Variants in TMEM120A observed in about 807,000 individuals in gnomAD.
TMEM120A encodes the protein ion channel TACAN.
Under a neutral mutation model 54.3 loss-of-function variants are expected in TMEM120A, and 45 were observed. The ratio of observed to expected loss-of-function variants is 0.83; its 90% CI spans 0.65 to 1.06. The LOEUF (loss-of-function observed/expected upper bound fraction) is 1.06. TMEM120A is among the 50% of genes least tolerant of loss of function. The pLI is 0.00. For missense variants in TMEM120A, 424 were observed against 441.7 expected (o/e 0.96, Z 0.36); for synonymous variants, 204 against 178.5 (o/e 1.14, Z -1.14).
rs782525387 is a variant in TMEM120A at position 75,987,508 on chromosome 7, GA to G, written c.849+29del. 21 of 1,577,736 alleles carry G rather than the reference GA, an allele frequency of 1.3e-5. No homozygotes were observed. The African/African-American group carries it at 1.9e-4, about 14-fold the overall frequency. ...AACCGGCGCAGAGGACGGACAGACAGACAGGCAGGGACACAGAGGCACGACT... is the reference window on the plus strand; with the variant it reads ...AACCGGCGCAGAGGACGGACAGACAGCAGGCAGGGACACAGAGGCACGACT... On this transcript the variant is annotated intron_variant, in intron 10 of 11. Transcript: ENST00000493111.
At position 75,992,489 on chromosome 7, in the gene TMEM120A, G is replaced by A. The variant is rs1554562080; in HGVS notation, c.150C>T (p.Ser50=). ...GGAGCCGCTTCTTCTGCCGCGTGAT[G>A]GAGCTGGTGCAATTGTTCTGAAGTT... ...LTKLQNNCTS[S]ITRQKKRLQE... Residue 50 remains serine, a synonymous_variant, in exon 2 of 12, where the codon TCC becomes TCT. Transcript: ENST00000493111. 2 of 1,598,232 alleles carry A rather than the reference G, an allele frequency of 1.3e-6. No individual in the cohort carries two copies. The highest frequency in any genetic ancestry group is 1.7e-5 in the Admixed American group (1 of 57,482).
At position 75,994,583 on chromosome 7, in the gene TMEM120A, A is replaced by T. The variant is rs1554562860; in HGVS notation, c.-13T>A. 1.3e-6 allele frequency: 2 copies of T among 1,525,678 alleles called. No individual in the cohort carries two copies. The highest frequency in any genetic ancestry group is 1.8e-6 in the Non-Finnish European group (2 of 1,134,926). 94.5% of individuals were successfully genotyped at this position (1,525,678 alleles called of 1,614,324 possible). Reference sequence around the variant, plus strand: ...GCGGGGGCTGCATGGCTGCAGCGCCAGTAGCCAGTAGTGGAGGACGGCGCA... The same window carrying T: ...GCGGGGGCTGCATGGCTGCAGCGCCTGTAGCCAGTAGTGGAGGACGGCGCA... On this transcript the variant is annotated 5_prime_UTR_variant, in exon 1 of 12. Coordinates refer to ENST00000493111, the MANE Select transcript of TMEM120A (RefSeq NM_031925.3).
chr7:75,992,705 G>A (rs1789897626), intron 1 of TMEM120A, 148 bp from the exon 2 acceptor site: 3 of 628,170 alleles, frequency 4.8e-6, no homozygotes, highest in Non-Finnish European at 8.3e-6. Context: ...GCCCAGGGAT[G>A]AGGTGGCTGT....
chr7:75,989,355 G>C, intron 3 of TMEM120A, 131 bp from the exon 4 acceptor site: 1 of 687,180 alleles, frequency 1.5e-6, no homozygotes, highest in Non-Finnish European at 2.6e-6. Flanking sequence ...GCAGGGCCTT[G>C]GCATCGGGTT....
intron 1 of TMEM120A, among the ~76,000 whole-genome samples, chr7:75,994,283 G>A (rs1179237181): frequency 3.3e-5 from 5 of 152,182 alleles, no homozygotes; most frequent in African/African-American, 7.2e-5. Flanking sequence ...GTCGCCCAGC[G>A]CGATGGGGTC....
rs782377603 is a variant in TMEM120A at position 75,987,360 on chromosome 7, C to G, written c.918G>C (p.Gln306His). The G allele has an allele frequency of 2.4e-5, 38 of 1,564,404 alleles. No individual in the cohort carries two copies. Among genetic ancestry groups the G allele is most frequent in the Non-Finnish European group, 1.7e-6 (2 of 1,155,512 alleles). ...LAQDPQCKEW[Q>H]VLMCGFPFLL... ...ATCCTGTCCAGGGACCCCGGCTCAC[C>G]TGCCACTCCTTGCACTGAGGGTCCT... The change falls in exon 11 of 12, where the codon CAG (glutamine) becomes CAC (histidine). Residue 306 changes from glutamine to histidine, a missense_variant and splice_region_variant. Physicochemically the swap from Gln to His is conservative, Grantham distance 24. Transcript: ENST00000493111.
At position 75,992,197 on chromosome 7, in the gene TMEM120A, T is replaced by G; in HGVS notation, c.264A>C (p.Lys88Asn). ...GAAQELENQM[K>N]ERQGLFFDME... ...TGTCAAAGAAGAGGCCTTGGCGCTC[T>G]TTCATCTGGTTCTCCAGCTCCTGTG... is the stretch of plus-strand genomic sequence containing the variant. Residue 88 changes from lysine (K) to asparagine (N), a missense_variant, in exon 3 of 12, where the codon AAA (lysine) becomes AAC (asparagine). By Grantham distance (94) the Lys-to-Asn change is moderately conservative. Coordinates refer to ENST00000493111, the MANE Select transcript of TMEM120A (RefSeq NM_031925.3). The G allele has an allele frequency of 6.2e-7, 1 of 1,612,494 alleles. No individual in the cohort carries two copies. Among genetic ancestry groups the G allele is most frequent in the Non-Finnish European group, 8.5e-7 (1 of 1,179,370 alleles).
intron 3 of TMEM120A, among the ~76,000 whole-genome samples, chr7:75,991,311 G>A (rs764072239): frequency 3.3e-5 from 5 of 151,978 alleles, no homozygotes; most frequent in African/African-American, 7.3e-5. Flanking sequence ...CTCACCTCCC[G>A]CCCCGACCTC....
At chr7:75,994,363 C>T in intron 1 of TMEM120A, 127 bp downstream of exon 1, 1 of 783,844 alleles carries the variant, frequency 1.3e-6, no homozygotes. Context: ...CCCCCCTTGG[C>T]AGTGACGCCA....
intron 3 of TMEM120A, 51 bp downstream of exon 3, chr7:75,992,093 G>T: frequency 7.4e-7 from 1 of 1,347,850 alleles, no homozygotes; most frequent in Non-Finnish European, 1.0e-6. Context: ...GCAGCACCCG[G>T]CTTCAGGAGT....
chr7:75,992,368 C>T (rs1789876673), intron 2 of TMEM120A, 71 bp downstream of exon 2: 1 of 1,556,430 alleles, frequency 6.4e-7, no homozygotes, highest in South Asian at 1.1e-5. Flanking sequence ...AGGGGCGGTG[C>T]CCAGGGTCTC....
Position 75,988,274 on chromosome 7 carries a change from T to C in TMEM120A, c.541A>G (p.Ile181Val). 6.2e-7 allele frequency: 1 copy of C among 1,612,204 alleles called. No individual in the cohort carries two copies. Residue 181 changes from isoleucine to valine, a missense_variant, in exon 6 of 12, where the codon ATC becomes GTC. Coordinates refer to ENST00000493111, the MANE Select transcript of TMEM120A (RefSeq NM_031925.3). ...CACCGGGAGCCGTTGTTGATGAGGA[T>C]GCTCTCCCGGATGGTCAGGGTGCAG... ...YYCTLTIRES[I>V]LINNGSRIKG...
rs202111276 is a variant in TMEM120A at position 75,987,509 on chromosome 7, A to G, written c.849+29T>C. ...ACCGGCGCAGAGGACGGACAGACAG[A>G]CAGGCAGGGACACAGAGGCACGACT... On this transcript the variant is annotated intron_variant, in intron 10 of 11. Transcript: ENST00000493111. The G allele has an allele frequency of 5.0e-6, 6 of 1,201,510 alleles. No individual in the cohort carries two copies. The African/African-American group carries it at 6.7e-5, about 13-fold the overall frequency. 74.4% of individuals were successfully genotyped at this position (1,201,510 alleles called of 1,614,324 possible).
At chr7:75,987,864 G>C in intron 8 of TMEM120A, 54 bp from the exon 9 acceptor site, 1 of 1,598,864 alleles carries the variant, frequency 6.3e-7, no homozygotes, top group Non-Finnish European at 8.5e-7. Flanking sequence ...GGGGTTCCCT[G>C]CCCCTGCCCC....
chr7:75,989,258 C>G (rs182851529), intron 3 of TMEM120A, 34 bp from the exon 4 acceptor site: 3 of 1,437,772 alleles, frequency 2.1e-6, no homozygotes, highest in Non-Finnish European at 9.6e-7. Context: ...AGGAGAAGCC[C>G]GAGTGACAGA....
chr7:75,992,761 A>T (rs1202769223), intron 1 of TMEM120A, among the ~76,000 whole-genome samples: 1 of 152,166 alleles, frequency 6.6e-6, no homozygotes, highest in African/African-American at 2.4e-5. Flanking sequence ...GTGAGCCCAG[A>T]GACCCCCACA....
intron 3 of TMEM120A, among the ~76,000 whole-genome samples, 186 bp from the exon 4 acceptor site, chr7:75,989,410 T>C (rs1050824141): frequency 1.5e-4 from 22 of 151,546 alleles, no homozygotes; most frequent in African/African-American, 5.1e-4. Flanking sequence ...TGCCCAGCCT[T>C]CCTGGCCGCC....
intron 1 of TMEM120A, 53 bp downstream of exon 1, chr7:75,994,437 T>C (rs1012034419): frequency 3.3e-6 from 5 of 1,503,680 alleles, no homozygotes; most frequent in Non-Finnish European, 9.0e-7. Flanking sequence ...CCCTTGACCC[T>C]GAGCCAGCGA....
chr7:75,992,559 TG>T lies in TMEM120A; in HGVS notation c.82-3del. Reference sequence around the variant, plus strand: ...CAGGCGGTAGAGCCGATGGGTCTCCTGGGGGCCGGAGGGGAGAGGCTCAGGC... The same window carrying T: ...CAGGCGGTAGAGCCGATGGGTCTCCTGGGGCCGGAGGGGAGAGGCTCAGGC... On this transcript the variant is annotated splice_polypyrimidine_tract_variant and splice_region_variant and intron_variant, in intron 1 of 11. Coordinates refer to ENST00000493111, the MANE Select transcript of TMEM120A (RefSeq NM_031925.3). 2 of 1,565,558 alleles carry T rather than the reference TG, an allele frequency of 1.3e-6. No homozygotes were observed. Among genetic ancestry groups the T allele is most frequent in the Middle Eastern group, 2.1e-4 (1 of 4,872 alleles).
Sources: allele counts gnomAD v4.1 joint callset (sites outside exome capture counted in the v4.1 genomes callset), GRCh38; gene constraint gnomAD v4.1.1; transcripts MANE v1.5; gene names NCBI Gene and HGNC (gene_info 2026-07-23, HGNC 2026-07-21).